TRDN: variants seen among roughly 807,000 people sequenced by gnomAD.
The protein encoded by TRDN is triadin in skeletal muscle.
A neutral mutation model predicts 149.7 loss-of-function variants in TRDN; 161 were observed. The observed-to-expected ratio is 1.08, with a 90% CI of 0.95 to 1.23. The LOEUF (loss-of-function observed/expected upper bound fraction) is 1.23. Ranked by LOEUF, TRDN falls within the 50% of genes most tolerant of loss-of-function variation. The probability of loss-of-function intolerance (pLI) is 0.00; values close to 1 mark genes in which losing one functional copy is unlikely to be tolerated. For missense variants in TRDN, 896 were observed against 823.5 expected, an observed-to-expected ratio of 1.09 and a Z score of -1.08; for synonymous variants, 294 against 250.5, an observed-to-expected ratio of 1.17 and a Z score of -1.64.
At chr6:123,312,972 A>G (rs561399912) in intron 24 of TRDN, among the ~76,000 whole-genome samples, 48 of 152,150 alleles carry the variant, frequency 3.2e-4, no homozygotes, top group African/African-American at 1.2e-3. Flanking sequence ...ATCATATTGT[A>G]TAATAAAAAA....
intron 38 of TRDN, among the ~76,000 whole-genome samples, chr6:123,228,550 T>C (rs948108254): frequency 4.6e-5 from 7 of 152,018 alleles, no homozygotes; most frequent in African/African-American, 1.4e-4. Context: ...TCAGATCTCC[T>C]GAGAACGTAC....
At chr6:123,254,793 T>A (rs537881838) in intron 37 of TRDN, 1 of 254,194 alleles carries the variant, frequency 3.9e-6, no homozygotes, top group African/African-American at 2.2e-5. Context: ...ACTTTTGACA[T>A]TATTCATGCT....
chr6:123,369,703 A>G (rs542830001), intron 19 of TRDN, among the ~76,000 whole-genome samples: 1 of 152,318 alleles, frequency 6.6e-6, no homozygotes, highest in Non-Finnish European at 1.5e-5. Context: ...CTGTTCCACT[A>G]CCACACCAGC....
chr6:123,528,477 A>G (rs1780060034), intron 5 of TRDN, among the ~76,000 whole-genome samples: 1 of 151,982 alleles, frequency 6.6e-6, no homozygotes, highest in Non-Finnish European at 1.5e-5. Context: ...GCTTGAGCAT[A>G]ATGAATCTTT....
chr6:123,398,721 C>T (rs1467044937), intron 12 of TRDN, among the ~76,000 whole-genome samples: 1 of 152,166 alleles, frequency 6.6e-6, no homozygotes. Flanking sequence ...GATAATTACC[C>T]TATTGAGATG....
chr6:123,425,618 T>A (rs1774088179), intron 12 of TRDN, among the ~76,000 whole-genome samples: 1 of 151,964 alleles, frequency 6.6e-6, no homozygotes. Context: ...AAGAATGTTG[T>A]CTAAGAGGGT....
intron 33 of TRDN, 114 bp from the exon 34 acceptor site, chr6:123,260,752 C>T: frequency 2.2e-6 from 2 of 895,452 alleles, no homozygotes; most frequent in Non-Finnish European, 3.1e-6. Context: ...ATATTTCTTC[C>T]TAAATTACAA....
At chr6:123,484,651 T>A (rs535780048) in intron 9 of TRDN, among the ~76,000 whole-genome samples, 25 of 152,232 alleles carry the variant, frequency 1.6e-4, no homozygotes, top group Admixed American at 1.4e-3. Context: ...TGACAGCAAG[T>A]CCATGCCATT....
chr6:123,343,790 C>A (rs556820418), intron 21 of TRDN, among the ~76,000 whole-genome samples: 71 of 152,060 alleles, frequency 4.7e-4, no homozygotes, highest in African/African-American at 1.3e-3. Context: ...TTTATGATTA[C>A]AGCAAAACTA....
At chr6:123,597,335 C>T (rs1784083325) in intron 1 of TRDN, among the ~76,000 whole-genome samples, 1 of 152,060 alleles carries the variant, frequency 6.6e-6, no homozygotes, top group East Asian at 1.9e-4. Flanking sequence ...TGAGGAGATG[C>T]TTTCTTATGG....
intron 8 of TRDN, among the ~76,000 whole-genome samples, chr6:123,499,719 A>AAAAAAAAAAAAAAATAT: frequency 3.1e-4 from 15 of 47,678 alleles, no homozygotes; most frequent in African/African-American, 1.1e-3. Context: ...AAAAAAAAAA[A>AAAAAAAAAAAAAAATAT]ATATATATAT....
chr6:123,372,604 G>T (rs1781364373), intron 19 of TRDN, among the ~76,000 whole-genome samples: 1 of 152,076 alleles, frequency 6.6e-6, no homozygotes, highest in African/African-American at 2.4e-5. Flanking sequence ...AAGTGACCTG[G>T]GACAGTGCTA....
At chr6:123,460,663 C>A (rs1365768390) in intron 10 of TRDN, among the ~76,000 whole-genome samples, 1 of 151,854 alleles carries the variant, frequency 6.6e-6, no homozygotes, top group African/African-American at 2.4e-5. Context: ...TTTTACTTCT[C>A]AGGATATATC....
At chr6:123,452,119 T>C (rs1208684835) in intron 10 of TRDN, among the ~76,000 whole-genome samples, 2 of 152,004 alleles carry the variant, frequency 1.3e-5, no homozygotes, top group East Asian at 1.9e-4. Context: ...AAGCTTTCCA[T>C]GAAAAACCCA....
intron 14 of TRDN, among the ~76,000 whole-genome samples, chr6:123,383,868 A>T (rs1288462055): frequency 6.6e-6 from 1 of 151,816 alleles, no homozygotes; most frequent in Non-Finnish European, 1.5e-5. Context: ...AGGGGAAAAA[A>T]CTCTTGATTT....
intron 4 of TRDN, among the ~76,000 whole-genome samples, chr6:123,531,807 G>T (rs1385104270): frequency 6.6e-6 from 1 of 151,996 alleles, no homozygotes; most frequent in Non-Finnish European, 1.5e-5. Flanking sequence ...TTACTCTACA[G>T]CAGGGTTTCT....
chr6:123,352,549 T>G lies in TRDN; in HGVS notation c.1359A>C (p.Thr453=), dbSNP rs772089073. The G allele has an allele frequency of 6.2e-7, 1 of 1,611,490 alleles. No individual in the cohort carries two copies. Among genetic ancestry groups the G allele is most frequent in the Admixed American group, 1.7e-5 (1 of 59,638 alleles). ...TTCATTTTTTTTTACCTTGCTCCAC[T>G]GTCTTGGTTGTTTTCTCTTCCTTCT... ...PGKKEEKTTK[T]VEQEIRKEKS... The change falls in exon 21 of 41, where the codon ACA becomes ACC. Residue 453 remains threonine, a synonymous_variant. Transcript: ENST00000334268.
intron 14 of TRDN, among the ~76,000 whole-genome samples, chr6:123,386,495 C>T (rs887777418): frequency 1.4e-4 from 21 of 152,212 alleles, no homozygotes; most frequent in Non-Finnish European, 8.8e-5. Context: ...CATATCCATA[C>T]AGGCCATGCA....
chr6:123,218,434 T>A lies in TRDN; in HGVS notation c.*167A>T, dbSNP rs1221970258. 1 of 677,862 alleles carries A rather than the reference T, an allele frequency of 1.5e-6. No individual in the cohort carries two copies. Among genetic ancestry groups the A allele is most frequent in the Non-Finnish European group, 2.4e-6 (1 of 413,566 alleles). 42.0% of individuals were successfully genotyped at this position (677,862 alleles called of 1,614,324 possible). A position where few individuals can be genotyped will look rare whatever the true frequency, so the allele number is the denominator to read the frequency against. On this transcript the variant is annotated 3_prime_UTR_variant, in exon 41 of 41. Transcript: ENST00000334268. Reference sequence around the variant, plus strand: ...GACTTAGACCCTTAAACATGTCTGCTCATCACTCAATCCATTTGGCCACCC... The same window carrying A: ...GACTTAGACCCTTAAACATGTCTGCACATCACTCAATCCATTTGGCCACCC...
Sources: allele counts gnomAD v4.1 joint callset (sites outside exome capture counted in the v4.1 genomes callset), GRCh38; gene constraint gnomAD v4.1.1; transcripts MANE v1.5; gene names NCBI Gene and HGNC (gene_info 2026-07-23, HGNC 2026-07-21).